Variants in KLF8 observed in about 807,000 individuals in gnomAD.
The protein encoded by KLF8 is KLF transcription factor 8, also known as Krueppel-like factor 8.
A neutral mutation model predicts 18.2 loss-of-function variants in KLF8; 10 were observed. That is an observed-to-expected ratio of 0.55 (90% CI 0.34 to 0.93). KLF8 has a LOEUF of 0.93. Ranked by LOEUF, KLF8 falls within the 40% of genes least tolerant of loss-of-function variation. The pLI is 0.02. For missense variants in KLF8, 264 were observed against 277.9 expected, an observed-to-expected ratio of 0.95 and a Z score of 0.36; for synonymous variants, 109 against 97.3, an observed-to-expected ratio of 1.12 and a Z score of -0.71.
intron 2 of KLF8, among the ~76,000 whole-genome samples, chrX:56,251,892 C>G (rs1287791801): frequency 6.3e-5 from 7 of 111,772 alleles, no homozygotes; most frequent in Non-Finnish European, 1.3e-4. Context: ...CAGCATTTAT[C>G]CTTTGTGTTA....
At chrX:56,199,427 A>T in the KLF8 span, among the ~76,000 whole-genome samples, 1 of 112,067 alleles carries the variant, frequency 8.9e-6, no homozygotes. Flanking sequence ...AAGTGGACAA[A>T]GGTTATGAAC....
At chrX:56,052,682 A>T in the KLF8 span, among the ~76,000 whole-genome samples, 3 of 112,077 alleles carry the variant, frequency 2.7e-5, no homozygotes, top group Non-Finnish European at 5.6e-5. Flanking sequence ...GCTGTCAGAC[A>T]GGGACATTTA....
At chrX:56,081,520 A>T in the KLF8 span, among the ~76,000 whole-genome samples, 1 of 111,928 alleles carries the variant, frequency 8.9e-6, no homozygotes, top group East Asian at 2.8e-4. Context: ...ACACTTTTCA[A>T]TAGCAGTGGT....
chrX:56,184,319 G>A, the KLF8 span, among the ~76,000 whole-genome samples: 1 of 112,025 alleles, frequency 8.9e-6, no homozygotes, highest in African/African-American at 3.2e-5. Flanking sequence ...GAGCCTGGGG[G>A]AAAGGCACCC....
At chrX:56,176,227 G>T in the KLF8 span, among the ~76,000 whole-genome samples, 2 of 111,875 alleles carry the variant, frequency 1.8e-5, no homozygotes, top group African/African-American at 6.5e-5. Flanking sequence ...GCATGTTTTT[G>T]CAGTGGCTGG....
chrX:56,160,667 CT>C, the KLF8 span, among the ~76,000 whole-genome samples: 1 of 111,408 alleles, frequency 9.0e-6, no homozygotes, highest in South Asian at 3.8e-4. Flanking sequence ...CTCTTTTGAT[CT>C]TTGCTGGTTT....
At chrX:56,227,945 T>C (rs373219001), upstream of KLF8, among the ~76,000 whole-genome samples, 1 of 108,155 alleles carries the variant, frequency 9.2e-6, no homozygotes, top group African/African-American at 3.4e-5. Context: ...CTCATAAAGA[T>C]AGCAGCCTGA....
the KLF8 span, among the ~76,000 whole-genome samples, chrX:55,965,102 G>A: frequency 9.0e-6 from 1 of 111,470 alleles, no homozygotes; most frequent in Non-Finnish European, 1.9e-5. Flanking sequence ...AACAATGAAA[G>A]AGAACTCCAG....
chrX:56,206,503 G>A, the KLF8 span, among the ~76,000 whole-genome samples: 1 of 112,087 alleles, frequency 8.9e-6, no homozygotes, highest in Non-Finnish European at 1.9e-5. Flanking sequence ...CCTCATGAAA[G>A]TCCAAAATCC....
At chrX:56,129,773 C>T in the KLF8 span, among the ~76,000 whole-genome samples, 1 of 111,489 alleles carries the variant, frequency 9.0e-6, no homozygotes, top group Non-Finnish European at 1.9e-5. Context: ...TAGCCTGGGA[C>T]AAGTTCTCAG....
At chrX:56,080,951 G>A in the KLF8 span, among the ~76,000 whole-genome samples, 4 of 110,749 alleles carry the variant, frequency 3.6e-5, no homozygotes, top group African/African-American at 6.6e-5. Flanking sequence ...CGGCTCCTGA[G>A]GCTTCTGCAT....
the KLF8 span, among the ~76,000 whole-genome samples, chrX:56,102,249 T>C: frequency 1.8e-5 from 2 of 111,431 alleles, no homozygotes. Flanking sequence ...TTCTTGAAGA[T>C]AGATGGTTGT....
At chrX:55,942,638 G>A in the KLF8 span, among the ~76,000 whole-genome samples, 4 of 111,834 alleles carry the variant, frequency 3.6e-5, no homozygotes, top group African/African-American at 6.5e-5. Context: ...CGACTAGAAC[G>A]TATATGTAAT....
chrX:56,029,873 C>T, the KLF8 span, among the ~76,000 whole-genome samples: 8 of 111,847 alleles, frequency 7.2e-5, no homozygotes, highest in East Asian at 1.1e-3. Context: ...CCTGGCCTGG[C>T]GTTCTCCCTC....
chrX:55,980,612 C>T, the KLF8 span, among the ~76,000 whole-genome samples: 4 of 111,290 alleles, frequency 3.6e-5, no homozygotes, highest in African/African-American at 9.8e-5. Flanking sequence ...TTGATGCCAC[C>T]GTGGTAAAGG....
the KLF8 span, among the ~76,000 whole-genome samples, chrX:55,930,185 G>T: frequency 8.9e-6 from 1 of 111,759 alleles, no homozygotes; most frequent in Non-Finnish European, 1.9e-5. Context: ...CTCTCTGTTT[G>T]TCTGTTATTG....
At chrX:56,134,954 C>T in the KLF8 span, among the ~76,000 whole-genome samples, 3 of 111,432 alleles carry the variant, frequency 2.7e-5, no homozygotes, top group African/African-American at 9.8e-5. Context: ...AAATCAAAAC[C>T]ACAGTGCGAT....
intron 1 of KLF8, among the ~76,000 whole-genome samples, chrX:56,239,473 T>A (rs1376041821): frequency 2.7e-5 from 3 of 112,467 alleles, no homozygotes; most frequent in Non-Finnish European, 5.6e-5. Flanking sequence ...ACATCTGCAG[T>A]GGGCTGCCAG....
the KLF8 span, among the ~76,000 whole-genome samples, chrX:56,187,242 C>T: frequency 8.9e-6 from 1 of 111,822 alleles, no homozygotes; most frequent in Admixed American, 9.5e-5. Flanking sequence ...ATACTATAAA[C>T]ACCTCTACGC....
Sources: gnomAD v4.1 joint callset for allele counts (sites outside exome capture counted in the v4.1 genomes callset) on GRCh38, gnomAD v4.1.1 for gene constraint, MANE v1.5 for transcripts, NCBI Gene and HGNC (gene_info 2026-07-23, HGNC 2026-07-21) for gene names.